SLC5A8: variants seen among roughly 807,000 people sequenced by gnomAD.
SLC5A8 encodes solute carrier family 5 member 8.
Under a neutral mutation model 71.9 loss-of-function variants are expected in SLC5A8, and 55 were observed. The ratio of observed to expected loss-of-function variants is 0.77; its 90% CI spans 0.62 to 0.96. The LOEUF (loss-of-function observed/expected upper bound fraction) is 0.96. SLC5A8 is among the 40% of genes least tolerant of loss of function. The pLI is 0.00. For missense variants in SLC5A8, 701 were observed against 745.3 expected, an observed-to-expected ratio of 0.94 and a Z score of 0.69; for synonymous variants, 307 against 276.1, an observed-to-expected ratio of 1.11 and a Z score of -1.11.
chr12:101,186,873 G>A (rs1868665266), intron 7 of SLC5A8, among the ~76,000 whole-genome samples: 1 of 152,074 alleles, frequency 6.6e-6, no homozygotes, highest in African/African-American at 2.4e-5. Flanking sequence ...TGTAAAATCA[G>A]GATTGCAGGG....
At chr12:101,190,335 C>G (rs1393522957) in intron 6 of SLC5A8, 133 bp downstream of exon 6, 11 of 990,142 alleles carry the variant, frequency 1.1e-5, no homozygotes, top group Non-Finnish European at 1.6e-5. Context: ...CCTTTTGTAA[C>G]CAAATATATC....
In SLC5A8 at chr12:101,156,299, C is replaced by A. The variant is rs1030506411; in HGVS notation, c.*980G>T. The A allele has an allele frequency of 6.6e-6, 1 of 152,126 alleles. No homozygotes were observed. Among genetic ancestry groups the A allele is most frequent in the Non-Finnish European group, 1.5e-5 (1 of 68,034 alleles). 9.4% of individuals were successfully genotyped at this position (152,126 alleles called of 1,614,324 possible). On this transcript the variant is annotated 3_prime_UTR_variant, in exon 15 of 15. Transcript: ENST00000536262. ...AATAGCATTAAGTGTAGTCATCTAA[C>A]TCCATGGAGCTTAACCATTTTGAAG...
chr12:101,184,179 C>T lies in SLC5A8; in HGVS notation c.1007G>A (p.Gly336Glu). 4 of 1,614,116 alleles carry T rather than the reference C, an allele frequency of 2.5e-6. No individual in the cohort carries two copies. Among genetic ancestry groups the T allele is most frequent in the Non-Finnish European group, 3.4e-6 (4 of 1,180,008 alleles). Reference sequence around the variant, plus strand: ...ACAGGCCACAAAAAGTCCAGGAAGTCCTGGATAATCTTGCAGAATGTCCAG... The same window carrying T: ...ACAGGCCACAAAAAGTCCAGGAAGTTCTGGATAATCTTGCAGAATGTCCAG... ...LVLDILQDYP[G>E]LPGLFVACAY... Residue 336 changes from glycine to glutamate, a missense_variant, in exon 8 of 15, where the codon GGA (glycine) becomes GAA (glutamate). Transcript: ENST00000536262.
At chr12:101,175,067 G>GA (rs1170558128) in intron 10 of SLC5A8, among the ~76,000 whole-genome samples, 10 of 151,210 alleles carry the variant, frequency 6.6e-5, no homozygotes, top group African/African-American at 1.5e-4. Context: ...AAAATAGAGG[G>GA]AAAAAATATA....
chr12:101,182,844 G>C lies in SLC5A8; in HGVS notation c.1124C>G (p.Ser375Trp). 2 of 1,594,684 alleles carry C rather than the reference G, an allele frequency of 1.3e-6. No individual in the cohort carries two copies. The highest frequency in any genetic ancestry group is 1.7e-6 in the Non-Finnish European group (2 of 1,173,066). Residue 375 changes from serine to tryptophan, a missense_variant, in exon 9 of 15, where the codon TCG (serine) becomes TGG (tryptophan). Ser to Trp is a radical substitution (Grantham distance 177). Coordinates refer to ENST00000536262, the MANE Select transcript of SLC5A8 (RefSeq NM_145913.5). ...VEDLIKPYFR[S>W]LSERSLSWIS... ...CCAAGACAGAGACCTTTCTGAGAGC[G>C]ATCTGAAGTAAGGTTTGATTAGATC...
Position 101,164,451 on chromosome 12 carries a change from T to A in SLC5A8, c.1526+2043A>T, listed in dbSNP as rs1034705887. On this transcript the variant is annotated intron_variant, in intron 12 of 14. Coordinates refer to ENST00000536262, the MANE Select transcript of SLC5A8 (RefSeq NM_145913.5). ...TAAACTTAAAAAAATCAAAACTGAA[T>A]CTAGGCAATTGAAACAATTTGTATC... Among the ~76,000 whole-genome samples, 33 of 152,268 alleles carry A rather than the reference T, an allele frequency of 2.2e-4. 1 individual carries two copies. The highest frequency in any genetic ancestry group is 1.9e-3 in the South Asian group (9 of 4,822).
At chr12:101,159,494 A>G (rs968696179) in intron 13 of SLC5A8, among the ~76,000 whole-genome samples, 4 of 152,206 alleles carry the variant, frequency 2.6e-5, no homozygotes. Context: ...CTGAACTCTT[A>G]TGGGAGTTTT....
chr12:101,177,398 T>C (rs1489251301), intron 10 of SLC5A8, among the ~76,000 whole-genome samples: 1 of 151,686 alleles, frequency 6.6e-6, no homozygotes, highest in Non-Finnish European at 1.5e-5. Flanking sequence ...CCCAATTTAT[T>C]TTATGAAGCT....
At chr12:101,165,683 C>T (rs914025911) in intron 12 of SLC5A8, among the ~76,000 whole-genome samples, 1 of 152,184 alleles carries the variant, frequency 6.6e-6, no homozygotes, top group African/African-American at 2.4e-5. Context: ...TATGTATGAT[C>T]ACGTTCCTTC....
chr12:101,158,756 C>T (rs1436264950), intron 13 of SLC5A8, among the ~76,000 whole-genome samples: 1 of 150,382 alleles, frequency 6.6e-6, no homozygotes, highest in Non-Finnish European at 1.5e-5. Flanking sequence ...AAGCACCCTC[C>T]ATGCCATCAG....
intron 7 of SLC5A8, among the ~76,000 whole-genome samples, chr12:101,185,027 C>A (rs1271561824): frequency 6.6e-6 from 1 of 152,168 alleles, no homozygotes; most frequent in African/African-American, 2.4e-5. Context: ...GATTACTTCT[C>A]CCACAGTACA....
intron 6 of SLC5A8, 130 bp from the exon 7 acceptor site, chr12:101,187,645 G>A (rs770855179): frequency 7.4e-5 from 72 of 972,274 alleles, no homozygotes; most frequent in South Asian, 3.1e-4. Flanking sequence ...TTTGATTATC[G>A]AAAACTCTAC....
chr12:101,177,292 C>T (rs541770839), intron 10 of SLC5A8, among the ~76,000 whole-genome samples: 6 of 151,852 alleles, frequency 4.0e-5, no homozygotes, highest in African/African-American at 1.2e-4. Context: ...AAATCCAGGC[C>T]CAGATGCTTT....
chr12:101,195,130 C>T lies in SLC5A8; in HGVS notation c.502G>A (p.Ala168Thr), dbSNP rs781620466. 2.5e-6 allele frequency: 4 copies of T among 1,614,040 alleles called. No individual in the cohort carries two copies. The highest frequency in any genetic ancestry group is 3.4e-6 in the Non-Finnish European group (4 of 1,179,996). Reference sequence around the variant, plus strand: ...TAGAATGTGCAGACCACCCCCGTTGCCACTACCGCGCCCCACAGATCAAAT... The same window carrying T: ...TAGAATGTGCAGACCACCCCCGTTGTCACTACCGCGCCCCACAGATCAAAT... The part of the protein sequence containing the change: ...TGFDLWGAVV[A>T]TGVVCTFYCT... Residue 168 changes from alanine (A) to threonine (T), a missense_variant, in exon 4 of 15, where the codon GCA becomes ACA. Coordinates refer to ENST00000536262, the MANE Select transcript of SLC5A8 (RefSeq NM_145913.5).
chr12:101,174,718 A>C (rs1475513224), intron 10 of SLC5A8, among the ~76,000 whole-genome samples: 1 of 152,134 alleles, frequency 6.6e-6, no homozygotes, highest in Non-Finnish European at 1.5e-5. Flanking sequence ...TTATAGCCAC[A>C]ATATGTCTCA....
chr12:101,193,573 T>C (rs1869018807), intron 5 of SLC5A8, 52 bp downstream of exon 5: 10 of 1,540,182 alleles, frequency 6.5e-6, no homozygotes, highest in Admixed American at 2.1e-5. Context: ...AAAGAGATTA[T>C]TTTTATAGAA....
intron 3 of SLC5A8, 108 bp from the exon 4 acceptor site, chr12:101,195,270 C>A: frequency 6.2e-6 from 7 of 1,138,088 alleles, no homozygotes; most frequent in Non-Finnish European, 8.9e-6. Flanking sequence ...GCACCTTCCT[C>A]TATACCCACT....
At chr12:101,193,105 G>T (rs1315426694) in intron 5 of SLC5A8, among the ~76,000 whole-genome samples, 3 of 151,766 alleles carry the variant, frequency 2.0e-5, no homozygotes, top group Admixed American at 2.0e-4. Flanking sequence ...CCAAGCAACT[G>T]GGATTACAGG....
chr12:101,175,084 G>A (rs893972836), intron 10 of SLC5A8, among the ~76,000 whole-genome samples: 5 of 151,488 alleles, frequency 3.3e-5, no homozygotes, highest in Non-Finnish European at 7.4e-5. Flanking sequence ...TATATATAGA[G>A]AGAAAAATCT....
Sources: allele counts gnomAD v4.1 joint callset (sites outside exome capture counted in the v4.1 genomes callset), GRCh38; gene constraint gnomAD v4.1.1; transcripts MANE v1.5; gene names NCBI Gene and HGNC (gene_info 2026-07-23, HGNC 2026-07-21).